The following FAM135B variants were observed in gnomAD, a reference collection of about 807,000 sequenced individuals.
FAM135B encodes the protein family with sequence similarity 135 member B.
FAM135B carries 43 observed loss-of-function variants against 127.7 expected under a neutral mutation model. The observed-to-expected ratio is 0.34, with a 90% confidence interval of 0.26 to 0.43. The LOEUF (loss-of-function observed/expected upper bound fraction) is 0.43. Among genes scored for constraint, FAM135B ranks in the 20% least tolerant of loss-of-function variants. The pLI is 1.00. For synonymous variants in FAM135B, 670 were observed against 665.1 expected (o/e 1.01, Z -0.11); for missense variants, 1,558 against 1,725.6 (o/e 0.90, Z 1.72).
chr8:138,342,293 C>T (rs1829106308), intron 2 of FAM135B, among the ~76,000 whole-genome samples: 1 of 152,100 alleles, frequency 6.6e-6, no homozygotes, highest in Admixed American at 6.5e-5. Flanking sequence ...GAAAATGAAC[C>T]AGAGAGGTGG....
At chr8:138,437,195 A>G (rs888524655) in intron 1 of FAM135B, 2 of 152,242 alleles carry the variant, frequency 1.3e-5, no homozygotes, top group African/African-American at 2.4e-5. Context: ...TTTGGTAATG[A>G]TATTGGTAGA....
chr8:138,402,264 T>C (rs899826368), intron 1 of FAM135B, among the ~76,000 whole-genome samples: 1 of 152,138 alleles, frequency 6.6e-6, no homozygotes, highest in African/African-American at 2.4e-5. Flanking sequence ...ATTTCTGGTA[T>C]TGTATAAAGG....
intron 3 of FAM135B, among the ~76,000 whole-genome samples, chr8:138,309,588 A>G (rs947775928): frequency 8.5e-5 from 13 of 152,078 alleles, no homozygotes; most frequent in Admixed American, 2.0e-4. Flanking sequence ...CCCCCTCCAG[A>G]TGTCTTCCAT....
intron 6 of FAM135B, among the ~76,000 whole-genome samples, 180 bp downstream of exon 6, chr8:138,250,661 C>A (rs1821626304): frequency 6.6e-6 from 1 of 152,068 alleles, no homozygotes; most frequent in Non-Finnish European, 1.5e-5. Context: ...CACCAGTCTC[C>A]CTTTGGGACC....
chr8:138,287,215 G>A (rs1824756093), intron 3 of FAM135B, among the ~76,000 whole-genome samples: 1 of 151,792 alleles, frequency 6.6e-6, no homozygotes, highest in Admixed American at 6.6e-5. Context: ...TAATGAAGGA[G>A]TAAATTATTC....
At chr8:138,342,329 A>C (rs1175832119) in intron 2 of FAM135B, among the ~76,000 whole-genome samples, 1 of 152,120 alleles carries the variant, frequency 6.6e-6, no homozygotes, top group Non-Finnish European at 1.5e-5. Flanking sequence ...GACACAAAGT[A>C]ATTAAGGACT....
At chr8:138,271,793 C>A (rs1823395949) in intron 3 of FAM135B, among the ~76,000 whole-genome samples, 1 of 152,090 alleles carries the variant, frequency 6.6e-6, no homozygotes, top group African/African-American at 2.4e-5. Flanking sequence ...ATAATACATA[C>A]AAAATGGTTT....
intron 15 of FAM135B, 129 bp downstream of exon 15, chr8:138,145,830 C>G (rs890515926): frequency 1.0e-5 from 6 of 571,582 alleles, no homozygotes; most frequent in African/African-American, 1.9e-5. Flanking sequence ...CATCCAAATG[C>G]CTGGCCAGCA....
At chr8:138,213,666 G>A (rs1229834002) in intron 7 of FAM135B, among the ~76,000 whole-genome samples, 1 of 152,104 alleles carries the variant, frequency 6.6e-6, no homozygotes, top group Non-Finnish European at 1.5e-5. Context: ...ATTTAAGCAA[G>A]AGAAGGATGG....
chr8:138,138,317 G>GTGTTT, intron 18 of FAM135B, among the ~76,000 whole-genome samples: 1 of 152,230 alleles, frequency 6.6e-6, no homozygotes, highest in Non-Finnish European at 1.5e-5. Flanking sequence ...GGCACAGAGG[G>GTGTTT]ATCAGCAGAG....
intron 2 of FAM135B, among the ~76,000 whole-genome samples, chr8:138,363,463 C>G (rs149085947): frequency 6.6e-6 from 1 of 152,234 alleles, no homozygotes; most frequent in East Asian, 1.9e-4. Context: ...AAGCCAGGTC[C>G]TCAGTACTTC....
At chr8:138,178,905 T>C (rs1316122960) in intron 9 of FAM135B, among the ~76,000 whole-genome samples, 1 of 152,178 alleles carries the variant, frequency 6.6e-6, no homozygotes, top group African/African-American at 2.4e-5. Context: ...CAATAAATTA[T>C]TGAGGTAGTT....
intron 7 of FAM135B, among the ~76,000 whole-genome samples, chr8:138,205,314 C>T (rs1817471510): frequency 2.0e-5 from 3 of 152,190 alleles, no homozygotes; most frequent in African/African-American, 7.2e-5. Flanking sequence ...AGAATCCAGA[C>T]ATGATGTGGT....
chr8:138,258,793 G>GACAC (rs1822303706), intron 4 of FAM135B, among the ~76,000 whole-genome samples: 1 of 103,312 alleles, frequency 9.7e-6, no homozygotes, highest in Non-Finnish European at 1.8e-5. Flanking sequence ...CCTTCAAAAA[G>GACAC]ACACACACAC....
intron 3 of FAM135B, among the ~76,000 whole-genome samples, chr8:138,273,720 T>C (rs752392303): frequency 3.3e-5 from 5 of 152,146 alleles, no homozygotes; most frequent in Non-Finnish European, 7.4e-5. Context: ...CATGCCCACC[T>C]CGCCTGTTCT....
intron 7 of FAM135B, among the ~76,000 whole-genome samples, chr8:138,206,884 TCATCCCCTCCACCTACACACAACTTCAG>T (rs1239710612): frequency 6.0e-5 from 9 of 150,178 alleles, no homozygotes; most frequent in Non-Finnish European, 1.0e-4. Context: ...CACAGCTCTA[TCATCCCCTCCACCTACACACAACTTCAG>T]CATCCCCTCC....
intron 5 of FAM135B, 38 bp from the exon 6 acceptor site, chr8:138,251,052 G>A (rs1821664378): frequency 5.6e-6 from 9 of 1,609,760 alleles, no homozygotes; most frequent in Non-Finnish European, 6.8e-6. Flanking sequence ...GAGAAATGGT[G>A]GGTTGCCCCT....
intron 1 of FAM135B, among the ~76,000 whole-genome samples, chr8:138,392,037 C>T (rs1832605142): frequency 6.6e-6 from 1 of 152,134 alleles, no homozygotes; most frequent in Non-Finnish European, 1.5e-5. Context: ...CAGGGTAAGG[C>T]ATAAGACTCA....
At chr8:138,246,874 G>T (rs1218444162) in intron 6 of FAM135B, among the ~76,000 whole-genome samples, 2 of 152,226 alleles carry the variant, frequency 1.3e-5, no homozygotes, top group Non-Finnish European at 2.9e-5. Context: ...GCTACCCAAG[G>T]CCATGGGAGC....
Sources: allele counts gnomAD v4.1 joint callset (sites outside exome capture counted in the v4.1 genomes callset), GRCh38; gene constraint gnomAD v4.1.1; transcripts MANE v1.5; gene names NCBI Gene and HGNC (gene_info 2026-07-23, HGNC 2026-07-21).